The following DPP6 variants were observed in gnomAD, a reference collection of about 807,000 sequenced individuals.
DPP6 encodes the protein dipeptidyl peptidase like 6.
DPP6 carries 69 observed loss-of-function variants against 122.6 expected under a neutral mutation model. The observed-to-expected ratio is 0.56, with a 90% CI of 0.46 to 0.69. The LOEUF (loss-of-function observed/expected upper bound fraction) is 0.69, where lower values mean the gene tolerates loss of function less well. DPP6 is among the 30% of genes least tolerant of loss of function. The pLI is 0.00. For synonymous variants in DPP6, 418 were observed against 433.1 expected (o/e 0.97, Z 0.43); for missense variants, 928 against 1,116.9 (o/e 0.83, Z 2.41).
the DPP6 span, among the ~76,000 whole-genome samples, chr7:153,756,197 C>T: frequency 1.3e-5 from 2 of 151,706 alleles, no homozygotes; most frequent in East Asian, 1.9e-4. Flanking sequence ...TTTCTGAATT[C>T]CCAGGTTCCC....
intron 1 of DPP6, among the ~76,000 whole-genome samples, chr7:153,888,322 C>T (rs944173793): frequency 3.9e-5 from 6 of 152,212 alleles, no homozygotes; most frequent in African/African-American, 1.4e-4. Context: ...CGGAGGAGGT[C>T]AGGGGCACTT....
At chr7:154,759,393 C>T (rs1795378629) in intron 8 of DPP6, among the ~76,000 whole-genome samples, 1 of 152,218 alleles carries the variant, frequency 6.6e-6, no homozygotes, top group Non-Finnish European at 1.5e-5. Flanking sequence ...AACTCAAGAG[C>T]ACGGGGACGT....
intron 8 of DPP6, among the ~76,000 whole-genome samples, chr7:154,754,902 C>T (rs932982841): frequency 6.6e-6 from 1 of 152,104 alleles, no homozygotes; most frequent in African/African-American, 2.4e-5. Context: ...TGCATATTCT[C>T]ACTCGTAAGT....
intron 7 of DPP6, among the ~76,000 whole-genome samples, chr7:154,717,118 A>G (rs1841532358): frequency 6.6e-6 from 1 of 151,478 alleles, no homozygotes; most frequent in Non-Finnish European, 1.5e-5. Flanking sequence ...GGTGTGAGCC[A>G]CCACACCCAG....
At chr7:153,792,471 C>A in the DPP6 span, among the ~76,000 whole-genome samples, 1 of 152,116 alleles carries the variant, frequency 6.6e-6, no homozygotes, top group Non-Finnish European at 1.5e-5. Context: ...ACCATTGAAG[C>A]CATTTGGGCC....
At chr7:154,622,438 A>G (rs1418226127) in intron 5 of DPP6, among the ~76,000 whole-genome samples, 1 of 152,208 alleles carries the variant, frequency 6.6e-6, no homozygotes, top group East Asian at 1.9e-4. Context: ...GAATTGTCAC[A>G]GAATATCCCA....
At chr7:154,102,274 T>G (rs1462842552) in intron 1 of DPP6, among the ~76,000 whole-genome samples, 1 of 152,074 alleles carries the variant, frequency 6.6e-6, no homozygotes, top group Non-Finnish European at 1.5e-5. Flanking sequence ...ACTGCAACCT[T>G]TGCCTCCTGG....
intron 1 of DPP6, among the ~76,000 whole-genome samples, chr7:154,415,130 C>G (rs1816916425): frequency 6.6e-6 from 1 of 152,160 alleles, no homozygotes; most frequent in South Asian, 2.1e-4. Context: ...CTGACCCACT[C>G]TAGATTGAAG....
In DPP6 at chr7:154,568,061, G is replaced by T. The variant is rs745924099; in HGVS notation, c.627+1145G>T. On this transcript the variant is annotated intron_variant, in intron 5 of 25. Transcript: ENST00000377770. ...TCCATCCAAATTCTTTGAAACAATG[G>T]GGCATCTTTGTCTCTTTGATTGGGA... 1.1e-3 allele frequency among the ~76,000 whole-genome samples: 174 copies of T among 151,950 alleles called. 3 individuals are homozygous for T. The highest frequency in any genetic ancestry group is 5.9e-4 in the Admixed American group (9 of 15,258).
At chr7:154,269,902 A>G (rs559135402) in intron 1 of DPP6, among the ~76,000 whole-genome samples, 1 of 152,252 alleles carries the variant, frequency 6.6e-6, no homozygotes, top group Non-Finnish European at 1.5e-5. Context: ...CTTCTTAGGT[A>G]TAAAATTCAT....
At chr7:154,161,293 T>C (rs1317930680) in intron 1 of DPP6, among the ~76,000 whole-genome samples, 2 of 152,204 alleles carry the variant, frequency 1.3e-5, no homozygotes, top group East Asian at 3.9e-4. Context: ...GGTCAGGAGT[T>C]TGAGACCAGC....
At chr7:154,435,957 T>C (rs1402956016) in intron 1 of DPP6, among the ~76,000 whole-genome samples, 1 of 152,168 alleles carries the variant, frequency 6.6e-6, no homozygotes, top group Middle Eastern at 3.2e-3. Flanking sequence ...AATATCTTAC[T>C]TTTTACGGTG....
chr7:154,828,226 T>A (rs1278330170), intron 16 of DPP6, among the ~76,000 whole-genome samples: 1 of 152,184 alleles, frequency 6.6e-6, no homozygotes, highest in East Asian at 1.9e-4. Context: ...AGATGGGGCA[T>A]CAGCTCAGGG....
intron 1 of DPP6, among the ~76,000 whole-genome samples, chr7:154,342,478 G>A (rs1157515976): frequency 6.6e-6 from 1 of 152,208 alleles, no homozygotes; most frequent in East Asian, 1.9e-4. Flanking sequence ...CAACATTAGA[G>A]TATCCTCCTT....
chr7:154,588,627 C>T (rs201879611), intron 5 of DPP6: 1 of 152,294 alleles, frequency 6.6e-6, no homozygotes, highest in South Asian at 2.1e-4. Context: ...TCCCTGGAAA[C>T]CAAATACCTA....
chr7:154,749,288 G>C (rs1843212453), intron 8 of DPP6, among the ~76,000 whole-genome samples: 1 of 138,930 alleles, frequency 7.2e-6, no homozygotes, highest in South Asian at 2.5e-4. Context: ...AGGAGGGAGA[G>C]GGATGGCGGC....
chr7:154,043,318 G>A (rs1396852445), intron 1 of DPP6, among the ~76,000 whole-genome samples: 9 of 141,678 alleles, frequency 6.4e-5, no homozygotes, highest in African/African-American at 2.4e-4. Flanking sequence ...ACTTGAACCG[G>A]GCAGGTGGAG....
chr7:154,875,891 G>A lies in DPP6; in HGVS notation c.1884-15G>A. The A allele has an allele frequency of 6.2e-7, 1 of 1,600,456 alleles. No homozygotes were observed. Among genetic ancestry groups the A allele is most frequent in the Admixed American group, 1.7e-5 (1 of 57,648 alleles). On this transcript the variant is annotated splice_polypyrimidine_tract_variant and intron_variant, in intron 19 of 25. Coordinates refer to ENST00000377770, the MANE Select transcript of DPP6 (RefSeq NM_130797.4). The surrounding 1 kb of genome is among the most constrained non-coding windows in gnomAD (Gnocchi z 4.5). ...CCACGCAGCAGGCCTGCTGAGCCCG[G>A]GATTCTCTTTCCAGGGATGGCACCC...
intron 1 of DPP6, among the ~76,000 whole-genome samples, chr7:154,418,650 C>T (rs565455012): frequency 6.6e-6 from 1 of 152,198 alleles, no homozygotes; most frequent in Non-Finnish European, 1.5e-5. Flanking sequence ...CCATTCCTCT[C>T]CCTGCTCCCT....
Sources: allele counts gnomAD v4.1 joint callset (sites outside exome capture counted in the v4.1 genomes callset), GRCh38; gene constraint gnomAD v4.1.1; non-coding constraint Gnocchi (gnomAD v3.1); transcripts MANE v1.5; gene names NCBI Gene and HGNC (gene_info 2026-07-23, HGNC 2026-07-21).